The following NEK5 variants were observed in gnomAD, a reference collection of about 807,000 sequenced individuals.
NEK5 encodes the protein serine/threonine-protein kinase Nek5.
NEK5 carries 88 observed loss-of-function variants against 109.2 expected under a neutral mutation model. That is an observed-to-expected ratio of 0.81 (90% CI 0.68 to 0.96). The LOEUF is 0.96. Among genes scored for constraint, NEK5 ranks in the 40% least tolerant of loss-of-function variants. NEK5 has a pLI of 0.00. For synonymous variants in NEK5, 283 were observed against 299.9 expected (o/e 0.94, Z 0.58); for missense variants, 834 against 920.7 (o/e 0.91, Z 1.22).
At position 52,108,390 on chromosome 13, in the gene NEK5, G is replaced by C; in HGVS notation, c.482C>G (p.Ala161Gly). 1 of 1,602,284 alleles carries C rather than the reference G, an allele frequency of 6.2e-7. No homozygotes were observed. Among genetic ancestry groups the C allele is most frequent in the Non-Finnish European group, 8.5e-7 (1 of 1,170,104 alleles). Residue 161 changes from alanine to glycine, a missense_variant, in exon 8 of 24, where the codon GCT becomes GGT. By Grantham distance (60) the Ala-to-Gly change is moderately conservative. Transcript: ENST00000684899. ...ARVLNNSMEL[A>G]RTCIGTPYYL... ...GTAAGGTGTTCCAATACAAGTTCGA[G>C]CAAGTTCCATGGAACTAGTAAATTA... is the stretch of plus-strand genomic sequence containing the variant.
chr13:52,090,906 G>A (rs893723951), intron 13 of NEK5, among the ~76,000 whole-genome samples: 3 of 152,056 alleles, frequency 2.0e-5, no homozygotes, highest in Non-Finnish European at 4.4e-5. Flanking sequence ...GGCGCCTGTA[G>A]TCCCAGCTAC....
rs1183060212 is a variant in NEK5, at chr13:52,038,825, G to GAAAAAAAAAAAAAAAAAAAAAAAAAAAA, written c.2229-1608_2229-1607insTTTTTTTTTTTTTTTTTTTTTTTTTTTT. Reference sequence around the variant, plus strand: ...AGGCATCAGAGCAAGACACTCATCTGAAAAAAAAAAAAAAAAAAAAGTGGT... The same window carrying GAAAAAAAAAAAAAAAAAAAAAAAAAAAA: ...AGGCATCAGAGCAAGACACTCATCTGAAAAAAAAAAAAAAAAAAAAAAAAAAAAAAAAAAAAAAAAAAAAAAAAGTGGT... On this transcript the variant is annotated intron_variant, in intron 23 of 23. Transcript: ENST00000684899. 2.1e-5 allele frequency among the ~76,000 whole-genome samples: 2 copies of GAAAAAAAAAAAAAAAAAAAAAAAAAAAA among 94,564 alleles called. 1 individual carries two copies. The highest frequency in any genetic ancestry group is 4.0e-5 in the Non-Finnish European group (2 of 49,926). 62.0% of individuals were successfully genotyped at this position (94,564 alleles called of 152,430 possible).
chr13:52,053,013 G>A (rs1954521533), intron 22 of NEK5, among the ~76,000 whole-genome samples: 1 of 152,158 alleles, frequency 6.6e-6, no homozygotes, highest in South Asian at 2.1e-4. Context: ...AGGACATGGT[G>A]GCTCAGGCTG....
intron 22 of NEK5, among the ~76,000 whole-genome samples, chr13:52,051,244 T>C (rs1954503575): frequency 1.3e-5 from 2 of 152,074 alleles, no homozygotes; most frequent in South Asian, 4.1e-4. Flanking sequence ...AATGTACAAC[T>C]TCTCACTGGC....
intron 22 of NEK5, 79 bp downstream of exon 22, chr13:52,061,740 T>A (rs1954616095): frequency 1.9e-6 from 1 of 531,698 alleles, no homozygotes; most frequent in South Asian, 8.2e-5. Context: ...TGAAGGTATT[T>A]TTATCCCCTT....
rs547771963 is a variant in NEK5, at chr13:52,104,770, CACA to C, written c.555-221_555-219del. 9.8e-5 allele frequency among the ~76,000 whole-genome samples: 15 copies of C among 152,298 alleles called. No homozygotes were observed. The East Asian group carries it at 2.9e-3, about 29-fold the overall frequency. ...TCAGATTTCTAGTCAAAGAAAGGCA[CACA>C]AACTTTGCTACAACCTGGTGGCTTA... On this transcript the variant is annotated intron_variant, in intron 8 of 23. Coordinates refer to ENST00000684899, the MANE Select transcript of NEK5 (RefSeq NM_001365552.1).
intron 5 of NEK5, 136 bp downstream of exon 5, chr13:52,112,132 C>T: frequency 2.2e-6 from 1 of 457,078 alleles, no homozygotes; most frequent in Non-Finnish European, 3.9e-6. Flanking sequence ...AATATTGATC[C>T]ACTATTTTAT....
At position 52,036,945 on chromosome 13, in the gene NEK5, T is replaced by C; in HGVS notation, c.*3A>G. On this transcript the variant is annotated 3_prime_UTR_variant, in exon 24 of 24. Coordinates refer to ENST00000684899, the MANE Select transcript of NEK5 (RefSeq NM_001365552.1). Reference sequence around the variant, plus strand: ...ACTTATTACTTAAGAAAAAGTACAATAATCACACTTGTATATTTTGACTGG... The same window carrying C: ...ACTTATTACTTAAGAAAAAGTACAACAATCACACTTGTATATTTTGACTGG... 2 of 984,610 alleles carry C rather than the reference T, an allele frequency of 2.0e-6. No individual in the cohort carries two copies. The highest frequency in any genetic ancestry group is 2.4e-6 in the Non-Finnish European group (2 of 829,182). The allele number at this position is 984,610 out of a possible 1,614,324, so 61.0% of individuals were successfully genotyped here. A position where few individuals can be genotyped will look rare whatever the true frequency, so the allele number is the denominator to read the frequency against.
chr13:52,077,605 CAG>C (rs974643375), intron 17 of NEK5, among the ~76,000 whole-genome samples: 5 of 152,248 alleles, frequency 3.3e-5, no homozygotes, highest in Admixed American at 2.6e-4. Context: ...GAGAGCTGCA[CAG>C]AGAGAACTGA....
At chr13:52,109,583 A>G (rs1477799690) in intron 7 of NEK5, among the ~76,000 whole-genome samples, 2 of 152,118 alleles carry the variant, frequency 1.3e-5, no homozygotes, top group African/African-American at 4.8e-5. Context: ...AAAGTTAACT[A>G]AGAGTCTGGC....
At chr13:52,102,621 C>T (rs993574202) in intron 9 of NEK5, among the ~76,000 whole-genome samples, 5 of 152,028 alleles carry the variant, frequency 3.3e-5, no homozygotes, top group African/African-American at 9.7e-5. Context: ...TAAGCCCAGG[C>T]GGTCAAAGCT....
intron 11 of NEK5, among the ~76,000 whole-genome samples, chr13:52,100,129 T>C (rs1246520620): frequency 6.6e-6 from 1 of 152,086 alleles, no homozygotes; most frequent in Non-Finnish European, 1.5e-5. Context: ...TTCAGAAAAA[T>C]AGAAATTAAT....
At chr13:52,068,950 G>A (rs1190940436) in intron 20 of NEK5, among the ~76,000 whole-genome samples, 13 of 148,070 alleles carry the variant, frequency 8.8e-5, no homozygotes, top group Admixed American at 6.8e-4. Flanking sequence ...CAGCCTGGGC[G>A]ACAGAGGGAG....
chr13:52,059,755 A>G (rs376980726), intron 22 of NEK5, among the ~76,000 whole-genome samples: 1 of 151,536 alleles, frequency 6.6e-6, no homozygotes. Context: ...ATTGAACAAT[A>G]AGAACACATG....
At chr13:52,110,267 T>A in intron 7 of NEK5, 73 bp downstream of exon 7, 1 of 971,448 alleles carries the variant, frequency 1.0e-6, no homozygotes, top group Non-Finnish European at 1.6e-6. Flanking sequence ...AATATCTTCT[T>A]AATCCATGAT....
chr13:52,126,876 G>C (rs1956072991), intron 3 of NEK5, among the ~76,000 whole-genome samples: 1 of 152,190 alleles, frequency 6.6e-6, no homozygotes, highest in Non-Finnish European at 1.5e-5. Flanking sequence ...ACTCTAGCTA[G>C]GATGTTTGCA....
chr13:52,062,200 G>A (rs1249595783), intron 21 of NEK5: 3 of 152,040 alleles, frequency 2.0e-5, no homozygotes, highest in Admixed American at 2.0e-4. Flanking sequence ...ATTTTAAATT[G>A]ATTTATAACT....
chr13:52,055,008 G>T (rs1399321154), intron 22 of NEK5, among the ~76,000 whole-genome samples: 1 of 151,932 alleles, frequency 6.6e-6, no homozygotes, highest in Non-Finnish European at 1.5e-5. Context: ...TCCGAGCTAT[G>T]GGAGGACATT....
intron 3 of NEK5, among the ~76,000 whole-genome samples, chr13:52,120,850 T>G (rs1955954304): frequency 6.7e-6 from 1 of 149,820 alleles, no homozygotes; most frequent in Non-Finnish European, 1.5e-5. Context: ...AGATGGAGGC[T>G]GCAGTAAGCC....
Sources: allele counts gnomAD v4.1 joint callset (sites outside exome capture counted in the v4.1 genomes callset), GRCh38; gene constraint gnomAD v4.1.1; transcripts MANE v1.5; gene names NCBI Gene and HGNC (gene_info 2026-07-23, HGNC 2026-07-21).